The following ZNF91 variants were observed in gnomAD, a reference collection of about 807,000 sequenced individuals.
The protein encoded by ZNF91 is zinc finger protein 91 (HPF7, HTF10).
In ZNF91, 7 loss-of-function variants were observed where a neutral mutation model predicts 12.6. That is an observed-to-expected ratio of 0.55 (90% CI 0.31 to 1.04). The LOEUF is 1.04. ZNF91 is among the 50% of genes least tolerant of loss of function. The pLI is 0.05. For synonymous variants in ZNF91, 453 were observed against 462.6 expected, an observed-to-expected ratio of 0.98 and a Z score of 0.27; for missense variants, 1,217 against 1,385.4, an observed-to-expected ratio of 0.88 and a Z score of 1.93.
intron 3 of ZNF91, among the ~76,000 whole-genome samples, chr19:23,306,166 T>C (rs1388313141): frequency 6.6e-6 from 1 of 152,198 alleles, no homozygotes; most frequent in Non-Finnish European, 1.5e-5. Context: ...AAATAGAAAC[T>C]AGGATCTCAC....
chr19:23,384,018 G>A (rs117665802), intron 1 of ZNF91, among the ~76,000 whole-genome samples: 11,857 of 152,166 alleles, frequency 0.078, 635 homozygotes, highest in Non-Finnish European at 0.11. Flanking sequence ...GCTGAGACAG[G>A]ATAATCGCTT....
In ZNF91 at chr19:23,360,123, G is replaced by A. The variant is rs1968667745; in HGVS notation, c.2856C>T (p.Thr952=). The stretch of plus-strand genomic sequence containing the variant: ...TATGAATTATCTTATGTGTAGTAAG[G>A]GTTGAGGATTGGCTAAAAGCTTTGC... ...ECGKAFSQSS[T]LTTHKIIHTG... is the part of the protein sequence containing the mutation. The change falls in exon 4 of 4, where the codon ACC becomes ACT. Residue 952 remains threonine, a synonymous_variant. Transcript: ENST00000300619. 2 of 1,611,834 alleles carry A rather than the reference G, an allele frequency of 1.2e-6. No individual in the cohort carries two copies. Among genetic ancestry groups the A allele is most frequent in the East Asian group, 2.2e-5 (1 of 44,724 alleles).
At chr19:23,363,787 T>C (rs547210041) in intron 3 of ZNF91, among the ~76,000 whole-genome samples, 5 of 152,072 alleles carry the variant, frequency 3.3e-5, no homozygotes, top group African/African-American at 1.2e-4. Context: ...GAGACAACTA[T>C]GGAAAATCGG....
intron 1 of ZNF91, among the ~76,000 whole-genome samples, chr19:23,309,943 C>T (rs2145841617): frequency 6.6e-6 from 1 of 152,270 alleles, no homozygotes; most frequent in Middle Eastern, 3.4e-3. Context: ...GGTACTTAAT[C>T]TCACACATGG....
At chr19:23,392,396 C>CAAAAAAAAAAAA (rs71163502) in intron 1 of ZNF91, among the ~76,000 whole-genome samples, 2 of 70,428 alleles carry the variant, frequency 2.8e-5, no homozygotes, top group Non-Finnish European at 2.8e-5. Context: ...AACTCCATCT[C>CAAAAAAAAAAAA]AAAAAAAAAA....
intron 1 of ZNF91, among the ~76,000 whole-genome samples, chr19:23,388,737 G>A (rs756867134): frequency 1.3e-5 from 2 of 152,132 alleles, no homozygotes. Flanking sequence ...GCCAGGCATG[G>A]TGGTGGGCAC....
chr19:23,321,202 C>T (rs536056997), intron 1 of ZNF91, among the ~76,000 whole-genome samples: 2 of 152,232 alleles, frequency 1.3e-5, no homozygotes, highest in South Asian at 2.1e-4. Context: ...GCCTGGGCTT[C>T]GTTCACAAGT....
At chr19:23,365,483 G>A (rs1968963824) in intron 3 of ZNF91, among the ~76,000 whole-genome samples, 1 of 151,272 alleles carries the variant, frequency 6.6e-6, no homozygotes, top group Non-Finnish European at 1.5e-5. Flanking sequence ...AGTCAGTTTT[G>A]TTTTAAAAAA....
chr19:23,341,809 A>T (rs1163628232), intron 3 of ZNF91, among the ~76,000 whole-genome samples: 1 of 152,176 alleles, frequency 6.6e-6, no homozygotes, highest in Non-Finnish European at 1.5e-5. Context: ...TTCAGACATG[A>T]TGGGAAAAGA....
chr19:23,314,111 T>A (rs1035145563), upstream of ZNF91, among the ~76,000 whole-genome samples: 13 of 152,186 alleles, frequency 8.5e-5, no homozygotes, highest in African/African-American at 2.9e-4. Context: ...CTAGGGTGTA[T>A]GTTTTTTATT....
chr19:23,324,558 C>T (rs1168643314), intron 1 of ZNF91: 2 of 150,476 alleles, frequency 1.3e-5, no homozygotes, highest in African/African-American at 2.4e-5. Flanking sequence ...TATGTATATA[C>T]GTATGTATAC....
At chr19:23,310,640 ACT>A (rs1392593192), upstream of ZNF91, 1 of 152,024 alleles carries the variant, frequency 6.6e-6, no homozygotes, top group Non-Finnish European at 1.5e-5. Context: ...AAGTGATTTG[ACT>A]CTCCTTATGT....
chr19:23,313,820 G>A (rs1967508818), upstream of ZNF91, among the ~76,000 whole-genome samples: 1 of 152,172 alleles, frequency 6.6e-6, no homozygotes, highest in Non-Finnish European at 1.5e-5. Context: ...ATAAGACACA[G>A]TCCACAGAAG....
chr19:23,356,233 GCACAATT>G (rs1209479430), downstream of ZNF91, among the ~76,000 whole-genome samples: 3 of 152,118 alleles, frequency 2.0e-5, no homozygotes, highest in Non-Finnish European at 2.9e-5. Context: ...GTTTCTAGCA[GCACAATT>G]CACAATTGTA....
At chr19:23,347,305 T>A (rs1968256510) in intron 3 of ZNF91, among the ~76,000 whole-genome samples, 1 of 152,108 alleles carries the variant, frequency 6.6e-6, no homozygotes, top group Admixed American at 6.6e-5. Flanking sequence ...GTTTCCTAAC[T>A]GCAAAAAAAC....
intron 1 of ZNF91, among the ~76,000 whole-genome samples, chr19:23,394,107 G>A (rs377743201): frequency 9.2e-5 from 14 of 152,290 alleles, no homozygotes; most frequent in African/African-American, 2.9e-4. Context: ...AATGTCAGAC[G>A]AAACTGGAAA....
chr19:23,323,336 C>G (rs1045055921), intron 1 of ZNF91, among the ~76,000 whole-genome samples: 1 of 143,636 alleles, frequency 7.0e-6, no homozygotes, highest in African/African-American at 2.5e-5. Context: ...TCTCCTCGTC[C>G]TCCTCCTCCT....
At chr19:23,373,346 T>TTATATAATCTTA (rs1969359266) in intron 3 of ZNF91, among the ~76,000 whole-genome samples, 1 of 85,802 alleles carries the variant, frequency 1.2e-5, no homozygotes, top group Non-Finnish European at 2.7e-5. Flanking sequence ...TCATGTAATC[T>TTATATAATCTTA]TATATATATA....
At chr19:23,388,573 T>G (rs1218597203) in intron 1 of ZNF91, among the ~76,000 whole-genome samples, 2 of 152,114 alleles carry the variant, frequency 1.3e-5, no homozygotes, top group African/African-American at 4.8e-5. Flanking sequence ...CCATTATTCT[T>G]GGAAAACCAA....
Sources: allele counts gnomAD v4.1 joint callset (sites outside exome capture counted in the v4.1 genomes callset), GRCh38; gene constraint gnomAD v4.1.1; transcripts MANE v1.5; gene names NCBI Gene and HGNC (gene_info 2026-07-23, HGNC 2026-07-21).